The following HOXB3 variants were observed in gnomAD, a reference collection of about 807,000 sequenced individuals.
HOXB3 encodes the protein homeobox B3.
Under a neutral mutation model 29.2 loss-of-function variants are expected in HOXB3, and 17 were observed. The ratio of observed to expected loss-of-function variants is 0.58; its 90% CI spans 0.40 to 0.87. The LOEUF is 0.87. HOXB3 is among the 40% of genes least tolerant of loss of function. The pLI, the probability that HOXB3 is intolerant of heterozygous loss-of-function variation, is 0.00. For synonymous variants in HOXB3, 317 were observed against 285.9 expected (o/e 1.11, Z -1.10); for missense variants, 637 against 616.3 (o/e 1.03, Z -0.35).
At chr17:48,587,036 C>T (rs1567967409) in intron 1 of HOXB3, among the ~76,000 whole-genome samples, 1 of 152,086 alleles carries the variant, frequency 6.6e-6, no homozygotes, top group African/African-American at 2.4e-5. Context: ...CCCCGCCAAC[C>T]ATTACCACCA....
chr17:48,585,187 C>G (rs980052476), intron 1 of HOXB3, among the ~76,000 whole-genome samples: 1 of 152,108 alleles, frequency 6.6e-6, no homozygotes, highest in African/African-American at 2.4e-5. Flanking sequence ...TGGAAAAAGA[C>G]GCGGAACCCA....
intron 1 of HOXB3, chr17:48,576,645 T>TGTCCCCCCCCCCC: frequency 1.8e-6 from 1 of 559,070 alleles, no homozygotes; most frequent in Non-Finnish European, 2.5e-6. Flanking sequence ...CAGGGCCCCC[T>TGTCCCCCCCCCCC]CCTGTCCCCC....
At position 48,552,298 on chromosome 17, in the gene HOXB3, G is replaced by A. The variant is rs1296399152; in HGVS notation, c.177C>T (p.Asn59=). ...CCTTGCTCTTGGCATGTGGGGCAGC[G>A]TTGCCCAGGGACTGCAGCGAGCAAG... ...RSACSLQSLG[N]AAPHAKSKEL... Residue 59 remains asparagine (N), a synonymous_variant, in exon 4 of 5, where the codon AAC becomes AAT. Transcript: ENST00000498678. The A allele has an allele frequency of 2.7e-5, 43 of 1,613,948 alleles. No homozygotes were observed. The highest frequency in any genetic ancestry group is 3.6e-5 in the Non-Finnish European group (43 of 1,179,996).
intron 2 of HOXB3, among the ~76,000 whole-genome samples, chr17:48,567,755 C>T (rs868122734): frequency 4.6e-5 from 7 of 152,204 alleles, no homozygotes; most frequent in African/African-American, 9.7e-5. Flanking sequence ...AGAAAAACTT[C>T]GGAGAACTTC....
intron 2 of HOXB3, among the ~76,000 whole-genome samples, chr17:48,565,780 C>A: frequency 6.6e-6 from 1 of 152,194 alleles, no homozygotes; most frequent in East Asian, 1.9e-4. Flanking sequence ...GTGTGTGTGT[C>A]CCCTTGTGAA....
intron 2 of HOXB3, among the ~76,000 whole-genome samples, chr17:48,558,604 G>A (rs146156279): frequency 1.3e-3 from 197 of 152,252 alleles, no homozygotes; most frequent in African/African-American, 4.7e-3. Context: ...GGGCTGGGAG[G>A]CTGGAGGACG....
At chr17:48,576,604 G>A (rs1036549157) in intron 1 of HOXB3, 4 of 816,174 alleles carry the variant, frequency 4.9e-6, no homozygotes, top group African/African-American at 1.7e-5. Context: ...GTGTGGGGGA[G>A]GGCAGATAGA....
At chr17:48,582,726 T>C (rs1419233876) in intron 1 of HOXB3, 1 of 152,212 alleles carries the variant, frequency 6.6e-6, no homozygotes, top group East Asian at 1.9e-4. Context: ...CCTCTCCAGC[T>C]CGACTTTTCG....
At chr17:48,580,311 C>G (rs1279450258) in intron 1 of HOXB3, 1 of 124,106 alleles carries the variant, frequency 8.1e-6, no homozygotes, top group Non-Finnish European at 1.7e-5. Flanking sequence ...CCCCTCCCCC[C>G]AGGACTTTTT....
rs888454397 is a variant in HOXB3, at chr17:48,555,711, C to A, written c.-246-93G>T. 6 of 626,168 alleles carry A rather than the reference C, an allele frequency of 9.6e-6. No individual in the cohort carries two copies. The East Asian group carries it at 1.8e-4, about 19-fold the overall frequency. The allele number at this position is 626,168 out of a possible 1,614,324, so 38.8% of individuals were successfully genotyped here. A position where few individuals can be genotyped will look rare whatever the true frequency, so the allele number is the denominator to read the frequency against. ...CCGCAAAGCCACCCCGGCTGGGGAG[C>A]CCGAGGGGCAGACCGGCCAGAGGAG... is the stretch of plus-strand genomic sequence containing the variant. On this transcript the variant is annotated intron_variant, in intron 2 of 4. Transcript: ENST00000498678.
chr17:48,555,319 G>A, intron 3 of HOXB3: 1 of 554,852 alleles, frequency 1.8e-6, no homozygotes, highest in African/African-American at 2.1e-5. Context: ...CAGGAAGAGA[G>A]AGGGGAGAGA....
chr17:48,587,839 T>G (rs1473445318), intron 1 of HOXB3, among the ~76,000 whole-genome samples: 2 of 152,206 alleles, frequency 1.3e-5, no homozygotes, highest in Non-Finnish European at 1.5e-5. Flanking sequence ...AAAATTGAAT[T>G]GTCCACCGAG....
At chr17:48,583,807 G>T (rs750614262) in intron 1 of HOXB3, among the ~76,000 whole-genome samples, 3 of 152,224 alleles carry the variant, frequency 2.0e-5, no homozygotes, top group Non-Finnish European at 4.4e-5. Context: ...ACACTGCAGA[G>T]AAACTCACCT....
At chr17:48,577,062 GC>G in intron 1 of HOXB3, 1 of 1,510,310 alleles carries the variant, frequency 6.6e-7, no homozygotes. Context: ...AAGTTTTATT[GC>G]CCCCGAAAGA....
chr17:48,571,532 G>T (rs2069586033), intron 2 of HOXB3, among the ~76,000 whole-genome samples: 1 of 152,246 alleles, frequency 6.6e-6, no homozygotes, highest in African/African-American at 2.4e-5. Context: ...AGATCTGGCA[G>T]TTCCCCTTAG....
rs535336744 is a variant in HOXB3, at chr17:48,569,972, C to T, written c.-247+3865G>A. Among the ~76,000 whole-genome samples the T allele has an allele frequency of 2.0e-5, 3 of 152,288 alleles. No homozygotes were observed. In the East Asian group the frequency reaches 5.8e-4, roughly 29 times the overall value. On this transcript the variant is annotated intron_variant, in intron 2 of 4. Transcript: ENST00000498678. ...GACTAAGGTTTCTACACAAAAGAAT[C>T]GGACTGTCAGCCTCTCTCTACCTAT...
intron 2 of HOXB3, chr17:48,559,991 AGGTGGGCTCCTT>A: frequency 6.6e-6 from 1 of 152,426 alleles, no homozygotes; most frequent in African/African-American, 2.4e-5. Flanking sequence ...AGCCTCAGGC[AGGTGGGCTCCTT>A]GGTGGTGATA....
intron 3 of HOXB3, chr17:48,555,308 G>T: frequency 1.8e-6 from 1 of 543,680 alleles, no homozygotes; most frequent in South Asian, 2.1e-5. Context: ...GAGGAGAGAA[G>T]CAGGAAGAGA....
chr17:48,550,044 G>A lies in HOXB3; in HGVS notation c.*290C>T, dbSNP rs1456544448. The A allele has an allele frequency of 5.3e-6, 2 of 377,936 alleles. No individual in the cohort carries two copies. The highest frequency in any genetic ancestry group is 5.3e-5 in the East Asian group (1 of 18,874). 23.4% of individuals were successfully genotyped at this position (377,936 alleles called of 1,614,324 possible). On this transcript the variant is annotated 3_prime_UTR_variant, in exon 5 of 5. Transcript: ENST00000498678. ...TCTCGTCTTCCTCTACCCCACTCCC[G>A]GGCGTGGAATTCCAACTTGGTAGTG...
Sources: gnomAD v4.1 joint callset for allele counts (sites outside exome capture counted in the v4.1 genomes callset) on GRCh38, gnomAD v4.1.1 for gene constraint, MANE v1.5 for transcripts, NCBI Gene and HGNC (gene_info 2026-07-23, HGNC 2026-07-21) for gene names.